The following EXOC2 variants were observed in gnomAD, a reference collection of about 807,000 sequenced individuals.
The protein encoded by EXOC2 is exocyst complex component 2.
Under a neutral mutation model 131.8 loss-of-function variants are expected in EXOC2, and 70 were observed. That is an observed-to-expected ratio of 0.53 (90% CI 0.44 to 0.65). EXOC2 has a LOEUF of 0.65. Among genes scored for constraint, EXOC2 ranks in the 30% least tolerant of loss-of-function variants. The pLI is 0.00. For missense variants in EXOC2, 923 were observed against 1,108.6 expected, an observed-to-expected ratio of 0.83 and a Z score of 2.38; for synonymous variants, 411 against 398.4, an observed-to-expected ratio of 1.03 and a Z score of -0.38.
chr6:488,481 A>G (rs751562975), intron 27 of EXOC2, among the ~76,000 whole-genome samples: 7 of 152,192 alleles, frequency 4.6e-5, no homozygotes, highest in Non-Finnish European at 7.3e-5. Flanking sequence ...AATGAAATAT[A>G]TATGTATATA....
At chr6:647,715 G>A (rs544683392) in intron 1 of EXOC2, among the ~76,000 whole-genome samples, 41 of 145,786 alleles carry the variant, frequency 2.8e-4, no homozygotes, top group Middle Eastern at 3.4e-3. Flanking sequence ...CTCAAAGAAC[G>A]CAAAACTAAA....
intron 4 of EXOC2, among the ~76,000 whole-genome samples, chr6:624,653 G>A (rs1385347255): frequency 6.6e-6 from 1 of 152,164 alleles, no homozygotes; most frequent in Non-Finnish European, 1.5e-5. Context: ...AGAACCAGAG[G>A]GTTTTAGGTG....
At chr6:668,413 T>G (rs1763710655) in intron 1 of EXOC2, among the ~76,000 whole-genome samples, 1 of 152,186 alleles carries the variant, frequency 6.6e-6, no homozygotes, top group Admixed American at 6.5e-5. Flanking sequence ...AGTGCTGTTC[T>G]CATTGCCTGC....
intron 1 of EXOC2, among the ~76,000 whole-genome samples, chr6:658,851 G>A (rs1224050879): frequency 2.6e-5 from 4 of 151,534 alleles, no homozygotes; most frequent in Admixed American, 2.0e-4. Flanking sequence ...TAGTAAAGAC[G>A]AGGTTTCACC....
intron 6 of EXOC2, among the ~76,000 whole-genome samples, chr6:611,450 T>G (rs1022599125): frequency 6.6e-6 from 1 of 152,248 alleles, no homozygotes; most frequent in African/African-American, 2.4e-5. Flanking sequence ...AAGGAAATCA[T>G]GTAGCCACAT....
chr6:668,681 T>C (rs374451118), intron 1 of EXOC2, among the ~76,000 whole-genome samples: 1 of 152,190 alleles, frequency 6.6e-6, no homozygotes, highest in Non-Finnish European at 1.5e-5. Flanking sequence ...TATGGTCTCT[T>C]GGGATCTACC....
At chr6:541,711 A>G (rs1327518867) in intron 22 of EXOC2, among the ~76,000 whole-genome samples, 1 of 152,240 alleles carries the variant, frequency 6.6e-6, no homozygotes, top group Admixed American at 6.5e-5. Flanking sequence ...AAGTCCTAGA[A>G]AAATATAGAT....
At chr6:489,884 G>C (rs933500496) in intron 26 of EXOC2, among the ~76,000 whole-genome samples, 4 of 152,178 alleles carry the variant, frequency 2.6e-5, no homozygotes, top group South Asian at 2.1e-4. Flanking sequence ...CAGAGAGAAA[G>C]ACTGAAAAGT....
At chr6:502,010 C>A (rs770463912) in intron 23 of EXOC2, among the ~76,000 whole-genome samples, 1 of 152,112 alleles carries the variant, frequency 6.6e-6, no homozygotes, top group African/African-American at 2.4e-5. Flanking sequence ...AGACTGCTCC[C>A]GCTGCTGTGG....
At chr6:585,874 G>C (rs1262205466) in intron 11 of EXOC2, among the ~76,000 whole-genome samples, 3 of 152,148 alleles carry the variant, frequency 2.0e-5, no homozygotes, top group Non-Finnish European at 4.4e-5. Context: ...TGTTCTGCTA[G>C]TGGATTTACC....
At chr6:531,470 C>T (rs566702341) in intron 23 of EXOC2, among the ~76,000 whole-genome samples, 1 of 108,836 alleles carries the variant, frequency 9.2e-6, no homozygotes, top group African/African-American at 4.6e-5. Flanking sequence ...TGACTGTGAG[C>T]TCAGGAAATT....
At chr6:495,164 C>T (rs1039613602) in intron 25 of EXOC2, among the ~76,000 whole-genome samples, 25 of 132,958 alleles carry the variant, frequency 1.9e-4, no homozygotes, top group African/African-American at 6.5e-4. Context: ...CTCGCTCTTT[C>T]GTCCAGGCCA....
intron 1 of EXOC2, among the ~76,000 whole-genome samples, chr6:674,712 A>G (rs775180314): frequency 7.4e-5 from 11 of 148,570 alleles, no homozygotes; most frequent in Non-Finnish European, 1.3e-4. Context: ...TGTATTAACC[A>G]TGTTTGTTTG....
intron 7 of EXOC2, among the ~76,000 whole-genome samples, chr6:609,563 T>C (rs1262660298): frequency 6.6e-6 from 1 of 152,192 alleles, no homozygotes; most frequent in East Asian, 1.9e-4. Flanking sequence ...ACTTTGCACA[T>C]AGCCATTTTC....
At chr6:582,406 A>G (rs1758959604) in intron 11 of EXOC2, among the ~76,000 whole-genome samples, 1 of 151,532 alleles carries the variant, frequency 6.6e-6, no homozygotes, top group Non-Finnish European at 1.5e-5. Context: ...GGGAACACTG[A>G]TCTGCAGCCT....
At chr6:577,507 C>T (rs1325801022) in intron 11 of EXOC2, among the ~76,000 whole-genome samples, 2 of 152,142 alleles carry the variant, frequency 1.3e-5, no homozygotes, top group Non-Finnish European at 2.9e-5. Context: ...CCGATGTTTT[C>T]CAATCCAAAT....
At chr6:582,393 G>A (rs1389840794) in intron 11 of EXOC2, among the ~76,000 whole-genome samples, 1 of 152,146 alleles carries the variant, frequency 6.6e-6, no homozygotes, top group East Asian at 1.9e-4. Flanking sequence ...CTACAATAGT[G>A]TAGGGAACAC....
intron 2 of EXOC2, among the ~76,000 whole-genome samples, chr6:634,694 C>A (rs1762016260): frequency 2.6e-5 from 4 of 152,124 alleles, no homozygotes; most frequent in Admixed American, 2.6e-4. Context: ...CTTTGTTTTT[C>A]TAATAATGGC....
At chr6:526,136 TAC>T (rs1257675674) in intron 23 of EXOC2, among the ~76,000 whole-genome samples, 8 of 152,164 alleles carry the variant, frequency 5.3e-5, no homozygotes, top group African/African-American at 9.7e-5. Flanking sequence ...AATGTGTGCA[TAC>T]ACACACACGC....
Sources: gnomAD v4.1 joint callset for allele counts (sites outside exome capture counted in the v4.1 genomes callset) on GRCh38, gnomAD v4.1.1 for gene constraint, MANE v1.5 for transcripts, NCBI Gene and HGNC (gene_info 2026-07-23, HGNC 2026-07-21) for gene names.